NRF1: variants seen among roughly 807,000 people sequenced by gnomAD.
The protein encoded by NRF1 is nuclear respiratory factor 1.
Under a neutral mutation model 58.5 loss-of-function variants are expected in NRF1, and 5 were observed. The ratio of observed to expected loss-of-function variants is 0.09; its 90% CI spans 0.04 to 0.18. NRF1 has a LOEUF of 0.18. NRF1 is among the 10% of genes least tolerant of loss of function. NRF1 has a pLI of 1.00. For synonymous variants in NRF1, 224 were observed against 246.7 expected (o/e 0.91, Z 0.86); for missense variants, 288 against 657.7 (o/e 0.44, Z 6.15).
At chr7:129,613,571 C>T (rs1343121498) in intron 1 of NRF1, among the ~76,000 whole-genome samples, 2 of 151,260 alleles carry the variant, frequency 1.3e-5, no homozygotes, top group African/African-American at 2.4e-5. Flanking sequence ...TTCAACAGGG[C>T]CCATGACCAA....
At chr7:129,662,354 GT>G (rs983335187) in intron 2 of NRF1, among the ~76,000 whole-genome samples, 8 of 149,942 alleles carry the variant, frequency 5.3e-5, no homozygotes, top group African/African-American at 9.8e-5. Context: ...CTAACCAAGT[GT>G]TTTTTTTCCT....
chr7:129,695,406 GTC>G (rs1802664695), intron 5 of NRF1, among the ~76,000 whole-genome samples: 1 of 151,786 alleles, frequency 6.6e-6, no homozygotes, highest in Admixed American at 6.6e-5. Flanking sequence ...GCAAAACCCT[GTC>G]TCTACTAAAA....
intron 1 of NRF1, among the ~76,000 whole-genome samples, chr7:129,654,571 C>G (rs1469186124): frequency 6.6e-6 from 1 of 152,070 alleles, no homozygotes; most frequent in Non-Finnish European, 1.5e-5. Flanking sequence ...CCTATGTTAT[C>G]TTATAGGAGT....
intron 1 of NRF1, among the ~76,000 whole-genome samples, chr7:129,640,378 C>G (rs1020861093): frequency 6.6e-6 from 1 of 151,932 alleles, no homozygotes; most frequent in East Asian, 1.9e-4. Flanking sequence ...ATTAGCTGGG[C>G]GTGGTGGCTC....
chr7:129,721,225 G>C (rs554684192), intron 9 of NRF1, among the ~76,000 whole-genome samples: 1 of 151,972 alleles, frequency 6.6e-6, no homozygotes, highest in Non-Finnish European at 1.5e-5. Flanking sequence ...TATAGTCCTT[G>C]CATGTAGAGA....
chr7:129,752,905 C>T (rs1256514420), intron 10 of NRF1, among the ~76,000 whole-genome samples: 2 of 152,184 alleles, frequency 1.3e-5, no homozygotes, highest in Non-Finnish European at 2.9e-5. Flanking sequence ...TCTCCTCCTC[C>T]TTTCAGGCCT....
intron 1 of NRF1, among the ~76,000 whole-genome samples, chr7:129,654,262 A>G (rs531051391): frequency 2.4e-4 from 36 of 152,318 alleles, no homozygotes; most frequent in Middle Eastern, 3.4e-3. Context: ...TACCATCTAT[A>G]TATCTTCCTT....
intron 1 of NRF1, among the ~76,000 whole-genome samples, chr7:129,625,857 T>A (rs1443456631): frequency 6.6e-6 from 1 of 151,970 alleles, no homozygotes; most frequent in Non-Finnish European, 1.5e-5. Context: ...AATTTTTTGG[T>A]ATTTTTAGTA....
intron 8 of NRF1, among the ~76,000 whole-genome samples, chr7:129,714,144 T>C (rs1803136474): frequency 6.6e-6 from 1 of 152,220 alleles, no homozygotes; most frequent in Non-Finnish European, 1.5e-5. Context: ...GATTTCTTGA[T>C]CACCTGCCGT....
chr7:129,620,856 A>G lies in NRF1; in HGVS notation c.-7+9032A>G, dbSNP rs1489107916. On this transcript the variant is annotated intron_variant, in intron 1 of 10. Coordinates refer to ENST00000393232, the MANE Select transcript of NRF1 (RefSeq NM_005011.5). The stretch of plus-strand genomic sequence containing the variant: ...AAAATTTTAAATGCACAAATATTTC[A>G]GTCTAGTGATATGGGGCAAGACATT... 3.3e-5 allele frequency among the ~76,000 whole-genome samples: 5 copies of G among 152,244 alleles called. No individual in the cohort carries two copies. The East Asian group carries it at 5.8e-4, about 18-fold the overall frequency.
At chr7:129,670,706 C>T (rs1234282291) in intron 2 of NRF1, among the ~76,000 whole-genome samples, 1 of 152,160 alleles carries the variant, frequency 6.6e-6, no homozygotes, top group Non-Finnish European at 1.5e-5. Context: ...TCCTTTGAGT[C>T]TACCCTCCAT....
intron 1 of NRF1, among the ~76,000 whole-genome samples, chr7:129,647,432 T>C (rs1168422679): frequency 1.4e-5 from 2 of 146,992 alleles, no homozygotes; most frequent in African/African-American, 5.1e-5. Flanking sequence ...AGACAGAGTC[T>C]CGCTGTGTTG....
chr7:129,747,924 A>G (rs1804017419), intron 10 of NRF1, among the ~76,000 whole-genome samples: 1 of 152,126 alleles, frequency 6.6e-6, no homozygotes, highest in Non-Finnish European at 1.5e-5. Flanking sequence ...TCAATGATAC[A>G]TTTTCATATC....
chr7:129,639,549 T>G (rs545759384), intron 1 of NRF1, among the ~76,000 whole-genome samples: 2 of 149,606 alleles, frequency 1.3e-5, no homozygotes, highest in Non-Finnish European at 3.0e-5. Flanking sequence ...ACAACCCTTT[T>G]TTTTTTTTTT....
At chr7:129,687,087 A>G (rs1186214415) in intron 4 of NRF1, among the ~76,000 whole-genome samples, 1 of 152,214 alleles carries the variant, frequency 6.6e-6, no homozygotes, top group African/African-American at 2.4e-5. Flanking sequence ...AGGTATTCCT[A>G]AAACTTCTTC....
chr7:129,640,683 ACT>A (rs1801270510), intron 1 of NRF1, among the ~76,000 whole-genome samples: 1 of 152,124 alleles, frequency 6.6e-6, no homozygotes, highest in Non-Finnish European at 1.5e-5. Context: ...AAAGGGTGGG[ACT>A]CTGATGGAGC....
At chr7:129,642,336 T>G (rs1801309944) in intron 1 of NRF1, among the ~76,000 whole-genome samples, 1 of 152,184 alleles carries the variant, frequency 6.6e-6, no homozygotes, top group African/African-American at 2.4e-5. Flanking sequence ...AGATATTTAT[T>G]GAATACTAGT....
intron 2 of NRF1, among the ~76,000 whole-genome samples, chr7:129,661,469 T>A (rs1801778702): frequency 6.6e-6 from 1 of 151,108 alleles, no homozygotes; most frequent in African/African-American, 2.5e-5. Context: ...ACCTCTTGAA[T>A]GCTTTGCTGC....
At chr7:129,644,945 C>T (rs1056912133) in intron 1 of NRF1, among the ~76,000 whole-genome samples, 1 of 151,850 alleles carries the variant, frequency 6.6e-6, no homozygotes, top group Middle Eastern at 3.4e-3. Context: ...CACCCATCCC[C>T]AAGAAAGTTT....
Sources: gnomAD v4.1 joint callset for allele counts (sites outside exome capture counted in the v4.1 genomes callset) on GRCh38, gnomAD v4.1.1 for gene constraint, MANE v1.5 for transcripts, NCBI Gene and HGNC (gene_info 2026-07-23, HGNC 2026-07-21) for gene names.